The following SOX6 variants were observed in gnomAD, a reference collection of about 807,000 sequenced individuals.
SOX6 encodes SRY-box transcription factor 6.
In SOX6, 11 loss-of-function variants were observed where a neutral mutation model predicts 97.8. The observed-to-expected ratio is 0.11, with a 90% CI of 0.07 to 0.19. The LOEUF is 0.19. SOX6 is among the 10% of genes least tolerant of loss of function. SOX6 has a pLI of 1.00. For synonymous variants in SOX6, 360 were observed against 371.4 expected, an observed-to-expected ratio of 0.97 and a Z score of 0.35; for missense variants, 810 against 1,039.5, an observed-to-expected ratio of 0.78 and a Z score of 3.04.
At chr11:16,484,426 C>T (rs1206753415) in intron 4 of SOX6, 4 of 790,786 alleles carry the variant, frequency 5.1e-6, no homozygotes, top group African/African-American at 1.7e-5. Flanking sequence ...TCTCATGGTA[C>T]ATGCACCACA....
intron 1 of SOX6, among the ~76,000 whole-genome samples, chr11:16,373,827 GGA>G: frequency 7.7e-5 from 1 of 12,944 alleles, no homozygotes; most frequent in Non-Finnish European, 1.4e-4. Flanking sequence ...GAGAGAGGAA[GGA>G]AGGAAGGAAG....
At chr11:16,041,378 T>C (rs764632927) in intron 12 of SOX6, among the ~76,000 whole-genome samples, 5 of 152,110 alleles carry the variant, frequency 3.3e-5, no homozygotes, top group Admixed American at 1.3e-4. Flanking sequence ...ATGTCCAGTA[T>C]GTTTTTCTTT....
chr11:16,635,553 T>G (rs1408024158), intron 3 of SOX6, among the ~76,000 whole-genome samples: 1 of 152,212 alleles, frequency 6.6e-6, no homozygotes, highest in Non-Finnish European at 1.5e-5. Flanking sequence ...GATGATGCAG[T>G]AGAAAACAAA....
chr11:16,201,696 G>C lies in SOX6; in HGVS notation c.536-14741C>G, dbSNP rs1181632179. 1.2e-3 allele frequency among the ~76,000 whole-genome samples: 152 copies of C among 129,374 alleles called. 3 individuals are homozygous for C. The highest frequency in any genetic ancestry group is 4.1e-3 in the African/African-American group (139 of 33,854). 84.9% of individuals were successfully genotyped at this position (129,374 alleles called of 152,430 possible). A position where few individuals can be genotyped will look rare whatever the true frequency, so the allele number is the denominator to read the frequency against. The stretch of plus-strand genomic sequence containing the variant: ...TCGCCCAGGCTGGAGTGCAGTGGCG[G>C]GATCTCGGCTCACTGCAAGCTCCGC... On this transcript the variant is annotated intron_variant, in intron 4 of 15. Coordinates refer to ENST00000683767, the MANE Select transcript of SOX6 (RefSeq NM_001367873.1).
At chr11:16,585,681 CTTTTTTTT>C (rs35531411) in intron 4 of SOX6, among the ~76,000 whole-genome samples, 1 of 108,344 alleles carries the variant, frequency 9.2e-6, no homozygotes, top group African/African-American at 3.6e-5. Context: ...TTTTTTTTTA[CTTTTTTTT>C]TTTTTTTTTT....
intron 3 of SOX6, among the ~76,000 whole-genome samples, chr11:16,669,730 C>G (rs1190499195): frequency 6.6e-6 from 1 of 152,156 alleles, no homozygotes; most frequent in East Asian, 1.9e-4. Context: ...GAGCAACCAC[C>G]TCACAGAAAA....
intron 3 of SOX6, among the ~76,000 whole-genome samples, chr11:16,632,458 C>T (rs912016812): frequency 1.3e-5 from 2 of 152,160 alleles, no homozygotes; most frequent in South Asian, 2.1e-4. Flanking sequence ...CAGCTGGGTA[C>T]ATACTTCCTC....
At chr11:16,130,620 G>A (rs1590214738) in intron 6 of SOX6, among the ~76,000 whole-genome samples, 2 of 151,616 alleles carry the variant, frequency 1.3e-5, no homozygotes, top group African/African-American at 4.8e-5. Flanking sequence ...ATTCCAGCAG[G>A]ACATTTTGAA....
intron 1 of SOX6, among the ~76,000 whole-genome samples, chr11:16,427,197 A>C (rs991758627): frequency 1.3e-5 from 2 of 152,076 alleles, no homozygotes; most frequent in Admixed American, 1.3e-4. Flanking sequence ...AACCTAAAGA[A>C]TGGGAAAAAA....
At chr11:16,683,826 A>C (rs555319399) in intron 3 of SOX6, among the ~76,000 whole-genome samples, 1 of 152,348 alleles carries the variant, frequency 6.6e-6, no homozygotes, top group East Asian at 1.9e-4. Flanking sequence ...AAATTTTTGC[A>C]ATCTACCCAT....
intron 3 of SOX6, among the ~76,000 whole-genome samples, chr11:16,285,290 T>C (rs1854698814): frequency 6.6e-6 from 1 of 152,118 alleles, no homozygotes; most frequent in South Asian, 2.1e-4. Flanking sequence ...TCCAACACTT[T>C]GGGAGGCCAA....
intron 2 of SOX6, among the ~76,000 whole-genome samples, chr11:16,331,562 C>G (rs1856301945): frequency 6.6e-6 from 1 of 152,116 alleles, no homozygotes; most frequent in Admixed American, 6.6e-5. Context: ...TGGTGGGCTA[C>G]CAAGAAACTC....
At chr11:16,127,342 T>A (rs1214663018) in intron 6 of SOX6, among the ~76,000 whole-genome samples, 1 of 152,074 alleles carries the variant, frequency 6.6e-6, no homozygotes, top group Non-Finnish European at 1.5e-5. Context: ...GTATACTTAC[T>A]CACCTCTAGC....
chr11:16,420,265 A>G (rs1349086872), intron 1 of SOX6, among the ~76,000 whole-genome samples: 1 of 152,204 alleles, frequency 6.6e-6, no homozygotes, highest in Admixed American at 6.5e-5. Context: ...AAGGGAAGGT[A>G]CATTTATTCT....
chr11:16,364,643 C>T (rs1378620684), intron 1 of SOX6, among the ~76,000 whole-genome samples: 1 of 152,042 alleles, frequency 6.6e-6, no homozygotes, highest in Non-Finnish European at 1.5e-5. Flanking sequence ...AACACATGAG[C>T]AAATGGTCAT....
intron 1 of SOX6, among the ~76,000 whole-genome samples, chr11:16,353,130 G>T (rs1856990214): frequency 6.6e-6 from 1 of 151,978 alleles, no homozygotes; most frequent in Non-Finnish European, 1.5e-5. Flanking sequence ...TCAAGGCCCA[G>T]AGAAATATGA....
chr11:16,168,430 T>A (rs1375360616), intron 6 of SOX6, among the ~76,000 whole-genome samples: 2 of 152,166 alleles, frequency 1.3e-5, no homozygotes, highest in Non-Finnish European at 2.9e-5. Context: ...GTCCTAGAAT[T>A]TTTTGTGACT....
At chr11:16,692,049 G>C (rs553517187) in intron 3 of SOX6, among the ~76,000 whole-genome samples, 1 of 129,386 alleles carries the variant, frequency 7.7e-6, no homozygotes, top group African/African-American at 3.1e-5. Context: ...GTTTTGATTT[G>C]CGTGTGCGTG....
intron 4 of SOX6, among the ~76,000 whole-genome samples, chr11:16,504,667 C>T (rs768740651): frequency 2.0e-5 from 3 of 152,090 alleles, no homozygotes; most frequent in African/African-American, 4.8e-5. Context: ...TTTGGCTCTG[C>T]GTCCCCTGCC....
Sources: gnomAD v4.1 joint callset for allele counts (sites outside exome capture counted in the v4.1 genomes callset) on GRCh38, gnomAD v4.1.1 for gene constraint, MANE v1.5 for transcripts, NCBI Gene and HGNC (gene_info 2026-07-23, HGNC 2026-07-21) for gene names.